ATG13: variants seen among roughly 807,000 people sequenced by gnomAD.
The protein encoded by ATG13 is autophagy related 13.
A neutral mutation model predicts 65.5 loss-of-function variants in ATG13; 23 were observed. The observed-to-expected ratio is 0.35, with a 90% confidence interval of 0.25 to 0.50. The LOEUF (loss-of-function observed/expected upper bound fraction) is 0.50, where lower values mean the gene tolerates loss of function less well. Among genes scored for constraint, ATG13 ranks in the 20% least tolerant of loss-of-function variants. The pLI, the probability that ATG13 is intolerant of heterozygous loss-of-function variation, is 0.98. For missense variants in ATG13, 566 were observed against 677.0 expected (o/e 0.84, Z 1.82); for synonymous variants, 252 against 245.2 (o/e 1.03, Z -0.26).
intron 18 of ATG13, among the ~76,000 whole-genome samples, chr11:46,670,103 G>A (rs190936101): frequency 2.1e-3 from 317 of 152,278 alleles, no homozygotes; most frequent in African/African-American, 7.3e-3. Flanking sequence ...TCTTTGAGGT[G>A]GAATGATCAC....
At chr11:46,657,391 A>T in intron 9 of ATG13, 133 bp from the exon 10 acceptor site, 1 of 1,003,682 alleles carries the variant, frequency 1.0e-6, no homozygotes, top group Non-Finnish European at 1.5e-6. Context: ...TTGGTGGTTT[A>T]TATTTAGGGA....
intron 5 of ATG13, among the ~76,000 whole-genome samples, chr11:46,646,782 CAG>C (rs944574043): frequency 1.3e-5 from 2 of 150,900 alleles, no homozygotes; most frequent in African/African-American, 2.4e-5. Context: ...TTTTTTGAGA[CAG>C]GGTCTTGCTC....
intron 14 of ATG13, among the ~76,000 whole-genome samples, chr11:46,666,978 TC>T (rs1328447301): frequency 2.0e-5 from 3 of 152,108 alleles, no homozygotes; most frequent in Non-Finnish European, 4.4e-5. Context: ...TTCTCAAACT[TC>T]CATCCTCTCC....
At position 46,622,125 on chromosome 11, in the gene ATG13, A is replaced by ATATT. The variant is rs1555043957; in HGVS notation, c.-70+4241_-70+4244dup. Among the ~76,000 whole-genome samples, 482 of 78,906 alleles carry ATATT rather than the reference A, an allele frequency of 6.1e-3. 9 individuals are homozygous for ATATT. Among genetic ancestry groups the ATATT allele is most frequent in the African/African-American group, 0.019 (346 of 18,354 alleles). The allele number at this position is 78,906 out of a possible 152,430, so 51.8% of individuals were successfully genotyped here. A position where few individuals can be genotyped will look rare whatever the true frequency, so the allele number is the denominator to read the frequency against. On this transcript the variant is annotated intron_variant, in intron 1 of 18. Coordinates refer to ENST00000683050, the MANE Select transcript of ATG13 (RefSeq NM_001346311.2). The stretch of plus-strand genomic sequence containing the variant: ...TATATATATATATATATATATATAT[A>ATATT]TATTTATTTTAGAGATGGTATTTGC...
intron 11 of ATG13, chr11:46,659,814 A>T (rs1047290858): frequency 1.5e-5 from 3 of 193,932 alleles, no homozygotes; most frequent in African/African-American, 7.0e-5. Flanking sequence ...CTACTTCTCT[A>T]TTGAGTGGTA....
Position 46,672,351 on chromosome 11 carries a change from G to T in ATG13, c.*19G>T. ...GCAGTAAAAGTATCCTTGAGTCCCA[G>T]CAGCACCCCCTTTTTGTGGCCCCAG... On this transcript the variant is annotated 3_prime_UTR_variant, in exon 19 of 19. Transcript: ENST00000683050. 1 of 1,614,172 alleles carries T rather than the reference G, an allele frequency of 6.2e-7. No homozygotes were observed. Among genetic ancestry groups the T allele is most frequent in the Admixed American group, 1.7e-5 (1 of 60,030 alleles).
intron 18 of ATG13, among the ~76,000 whole-genome samples, chr11:46,671,022 A>G (rs555512107): frequency 1.1e-4 from 17 of 152,262 alleles, no homozygotes; most frequent in Non-Finnish European, 1.6e-4. Context: ...TGGTTCCTCA[A>G]TTTAGCCTTT....
At chr11:46,631,545 T>C (rs1157007013) in intron 2 of ATG13, among the ~76,000 whole-genome samples, 2 of 152,210 alleles carry the variant, frequency 1.3e-5, no homozygotes, top group African/African-American at 2.4e-5. Flanking sequence ...ATGGGATAAT[T>C]TGTTTTTTCA....
chr11:46,657,037 C>G (rs950851874), intron 8 of ATG13, 58 bp from the exon 9 acceptor site: 2 of 1,396,062 alleles, frequency 1.4e-6, no homozygotes, highest in East Asian at 4.6e-5. Context: ...GAAAGACGGT[C>G]TGGGGGCAGT....
intron 11 of ATG13, 30 bp from the exon 12 acceptor site, chr11:46,663,967 T>TTC: frequency 1.6e-6 from 2 of 1,239,586 alleles, no homozygotes; most frequent in Non-Finnish European, 2.2e-6. Flanking sequence ...TTTTTTTGTT[T>TTC]CTCCTGTCTC....
At position 46,617,752 on chromosome 11, in the gene ATG13, T is replaced by TA. The variant is rs1462299544; in HGVS notation, c.-207dup. On this transcript the variant is annotated 5_prime_UTR_variant, in exon 1 of 19. Transcript: ENST00000683050. ...GCGAGCCAGGACCCTTCTGAAGCCT[T>TA]AGGTGTCTATCGGCGACGTGTACGG... is the stretch of plus-strand genomic sequence containing the variant. The TA allele has an allele frequency of 5.0e-6, 2 of 398,344 alleles. No individual in the cohort carries two copies. Among genetic ancestry groups the TA allele is most frequent in the African/African-American group, 4.1e-5 (2 of 48,692 alleles). The allele number at this position is 398,344 out of a possible 1,614,324, so 24.7% of individuals were successfully genotyped here. A position where few individuals can be genotyped will look rare whatever the true frequency, so the allele number is the denominator to read the frequency against.
intron 5 of ATG13, among the ~76,000 whole-genome samples, chr11:46,647,280 G>GTTTTTTTTTTTTTTT (rs60893694): frequency 3.6e-5 from 2 of 55,924 alleles, no homozygotes; most frequent in Non-Finnish European, 9.1e-5. Flanking sequence ...TGTTTTTTTT[G>GTTTTTTTTTTTTTTT]TTTTTTTTTT....
chr11:46,627,369 ACT>A (rs2050052842), intron 1 of ATG13, among the ~76,000 whole-genome samples: 1 of 152,172 alleles, frequency 6.6e-6, no homozygotes, highest in Non-Finnish European at 1.5e-5. Flanking sequence ...ACAGAGCAAG[ACT>A]CTGTCTCAAA....
At chr11:46,639,844 G>A (rs1212848658) in intron 2 of ATG13, among the ~76,000 whole-genome samples, 1 of 149,166 alleles carries the variant, frequency 6.7e-6, no homozygotes, top group Non-Finnish European at 1.5e-5. Context: ...TTCAGGATCT[G>A]CTTATGCAAT....
intron 11 of ATG13, among the ~76,000 whole-genome samples, chr11:46,663,595 T>C (rs2061633928): frequency 6.6e-6 from 1 of 152,194 alleles, no homozygotes; most frequent in Admixed American, 6.5e-5. Flanking sequence ...CCCGCATCCT[T>C]ACTCATCTTC....
rs111710769 is a variant in ATG13 at position 46,636,384 on chromosome 11, C to T, written c.-14+6284C>T. 8.6e-3 allele frequency among the ~76,000 whole-genome samples: 1,307 copies of T among 151,818 alleles called. 21 individuals carry two copies. The highest frequency in any genetic ancestry group is 0.03 in the African/African-American group (1,248 of 41,420). On this transcript the variant is annotated intron_variant, in intron 2 of 18. Transcript: ENST00000683050. ...CATCCTGGCTAACACAGTGAAACCC[C>T]GTCTCTACTAAAAATACAAAAAAAT... is the stretch of plus-strand genomic sequence containing the variant.
intron 2 of ATG13, among the ~76,000 whole-genome samples, chr11:46,641,967 G>T (rs768361707): frequency 3.3e-5 from 5 of 151,784 alleles, no homozygotes; most frequent in Non-Finnish European, 5.9e-5. Context: ...GATTAGAGAC[G>T]GGTTGTGCCA....
At chr11:46,623,436 T>C (rs1369134759) in intron 1 of ATG13, among the ~76,000 whole-genome samples, 1 of 152,146 alleles carries the variant, frequency 6.6e-6, no homozygotes, top group African/African-American at 2.4e-5. Flanking sequence ...GTTTTTGTTT[T>C]TGTTTTTTTG....
At chr11:46,630,514 C>A (rs546647765) in intron 2 of ATG13, among the ~76,000 whole-genome samples, 255 of 150,914 alleles carry the variant, frequency 1.7e-3, no homozygotes, top group African/African-American at 5.9e-3. Flanking sequence ...GTGCTTGTTA[C>A]ATCCAGAAAG....
Sources: allele counts gnomAD v4.1 joint callset (sites outside exome capture counted in the v4.1 genomes callset), GRCh38; gene constraint gnomAD v4.1.1; transcripts MANE v1.5; gene names NCBI Gene and HGNC (gene_info 2026-07-23, HGNC 2026-07-21).